COLEC12: variants seen among roughly 807,000 people sequenced by gnomAD.
COLEC12 encodes the protein collectin-12.
COLEC12 carries 33 observed loss-of-function variants against 71.1 expected under a neutral mutation model. The ratio of observed to expected loss-of-function variants is 0.46; its 90% CI spans 0.35 to 0.62. The LOEUF (loss-of-function observed/expected upper bound fraction) is 0.62. Ranked by LOEUF, COLEC12 falls within the 20% of genes least tolerant of loss-of-function variation. The pLI, the probability that COLEC12 is intolerant of heterozygous loss-of-function variation, is 0.00. For missense variants in COLEC12, 765 were observed against 916.1 expected (o/e 0.84, Z 2.13); for synonymous variants, 350 against 353.0 (o/e 0.99, Z 0.10).
At chr18:324,244 A>G (rs1913782717) in intron 8 of COLEC12, among the ~76,000 whole-genome samples, 1 of 152,200 alleles carries the variant, frequency 6.6e-6, no homozygotes, top group Non-Finnish European at 1.5e-5. Context: ...TAACGTGTCA[A>G]ATAAGCAAAA....
At chr18:472,219 A>G (rs1236620734) in intron 2 of COLEC12, among the ~76,000 whole-genome samples, 2 of 152,112 alleles carry the variant, frequency 1.3e-5, no homozygotes, top group Non-Finnish European at 2.9e-5. Flanking sequence ...AAAGCTGGAA[A>G]CTGAACCCAG....
rs1042040553 is a variant in COLEC12, at chr18:365,524, C to G, written c.59-8002G>C. On this transcript the variant is annotated intron_variant, in intron 2 of 9. Transcript: ENST00000400256. ...GTTCTAGTATGCTTGAAATGAACCC[C>G]AAAAGCCAGTCTTCAATGGCTCCTT... Among the ~76,000 whole-genome samples, 10 of 152,062 alleles carry G rather than the reference C, an allele frequency of 6.6e-5. No individual in the cohort carries two copies. In the South Asian group the frequency reaches 1.0e-3, roughly 16 times the overall value.
chr18:469,406 A>G (rs1409584547), intron 2 of COLEC12, among the ~76,000 whole-genome samples: 1 of 152,226 alleles, frequency 6.6e-6, no homozygotes, highest in Non-Finnish European at 1.5e-5. Flanking sequence ...ATTACATGTG[A>G]AATTCCCAGA....
chr18:440,982 C>T (rs368154701), intron 2 of COLEC12, among the ~76,000 whole-genome samples: 1 of 152,090 alleles, frequency 6.6e-6, no homozygotes, highest in Non-Finnish European at 1.5e-5. Flanking sequence ...GGCGTGGTGG[C>T]TCACGCCTGT....
intron 2 of COLEC12, among the ~76,000 whole-genome samples, chr18:445,391 A>T (rs1916627066): frequency 6.6e-6 from 1 of 152,188 alleles, no homozygotes; most frequent in Non-Finnish European, 1.5e-5. Context: ...ATTATGCCAA[A>T]TTATGAAATT....
chr18:442,082 G>GTGAGACTCTCTCTCTCTACAC (rs1916554019), intron 2 of COLEC12, among the ~76,000 whole-genome samples: 2 of 151,330 alleles, frequency 1.3e-5, no homozygotes, highest in African/African-American at 4.9e-5. Context: ...TGGGGACTGA[G>GTGAGACTCTCTCTCTCTACAC]AAGGTTATGG....
At chr18:428,957 T>C (rs528348674) in intron 2 of COLEC12, among the ~76,000 whole-genome samples, 4 of 152,336 alleles carry the variant, frequency 2.6e-5, no homozygotes, top group Non-Finnish European at 5.9e-5. Context: ...AGGCTTTACT[T>C]TAAAAATGTA....
intron 3 of COLEC12, among the ~76,000 whole-genome samples, chr18:348,990 C>G (rs1416737050): frequency 6.6e-6 from 1 of 152,114 alleles, no homozygotes; most frequent in Non-Finnish European, 1.5e-5. Flanking sequence ...CTATACTGTT[C>G]TGGTGGTAGT....
chr18:437,189 A>G lies in COLEC12; in HGVS notation c.58+43518T>C, dbSNP rs1161192026. ...TTTTCAGAAAATAGCTCCACTGAAC[A>G]CTGATGATAGGACTGTGAAGGCCTA... On this transcript the variant is annotated intron_variant, in intron 2 of 9. Coordinates refer to ENST00000400256, the MANE Select transcript of COLEC12 (RefSeq NM_130386.3). Among the ~76,000 whole-genome samples the G allele has an allele frequency of 5.3e-5, 8 of 152,310 alleles. No individual in the cohort carries two copies. The South Asian group carries it at 8.3e-4, about 16-fold the overall frequency.
At position 335,083 on chromosome 18, in the gene COLEC12, G is replaced by T. The variant is rs1348670405; in HGVS notation, c.1475C>A (p.Pro492His). ...TCCTTTGCCGCCACGCTCTCCGGGG[G>T]GACCAGCTGGTCCAATTGGGCCTCT... Reference protein sequence around the residue: ...GERGPIGPAGPPGERGGKGSK... With the variant: ...GERGPIGPAGHPGERGGKGSK... Residue 492 changes from proline to histidine, a missense_variant, in exon 6 of 10, where the codon CCC becomes CAC. By Grantham distance (77) the Pro-to-His change is moderately conservative. Transcript: ENST00000400256. 6.2e-7 allele frequency: 1 copy of T among 1,611,354 alleles called. No homozygotes were observed. Among genetic ancestry groups the T allele is most frequent in the South Asian group, 1.1e-5 (1 of 90,870 alleles).
intron 2 of COLEC12, among the ~76,000 whole-genome samples, chr18:451,679 G>A (rs1197884827): frequency 5.3e-5 from 8 of 151,980 alleles, no homozygotes; most frequent in Non-Finnish European, 7.4e-5. Flanking sequence ...CCTGGGAGGC[G>A]GAGGTTGCAG....
chr18:405,467 T>C (rs896604865), intron 2 of COLEC12, among the ~76,000 whole-genome samples: 3 of 152,200 alleles, frequency 2.0e-5, no homozygotes, highest in African/African-American at 4.8e-5. Flanking sequence ...CCTACCGATA[T>C]GTGATGTCAC....
chr18:335,411 T>G (rs1294879753), intron 5 of COLEC12, among the ~76,000 whole-genome samples, 181 bp from the exon 6 acceptor site: 1 of 152,180 alleles, frequency 6.6e-6, no homozygotes, highest in Non-Finnish European at 1.5e-5. Flanking sequence ...TATGTCCTCC[T>G]CCAAATTCTT....
chr18:387,403 C>T (rs376694476), intron 2 of COLEC12, among the ~76,000 whole-genome samples: 2 of 152,190 alleles, frequency 1.3e-5, no homozygotes, highest in East Asian at 1.9e-4. Flanking sequence ...TTTATACTTT[C>T]ATTCCTTCTT....
intron 5 of COLEC12, among the ~76,000 whole-genome samples, chr18:340,085 A>AAAAAAAC (rs1567877351): frequency 2.0e-5 from 3 of 151,242 alleles, no homozygotes; most frequent in Non-Finnish European, 2.9e-5. Flanking sequence ...AAAAAAAAAA[A>AAAAAAAC]AAAAAACAAA....
chr18:337,695 C>T (rs966427361), intron 5 of COLEC12, among the ~76,000 whole-genome samples: 1 of 152,182 alleles, frequency 6.6e-6, no homozygotes, highest in Non-Finnish European at 1.5e-5. Flanking sequence ...TCTTCAGCAA[C>T]CCTGGGCTCT....
chr18:425,295 A>G (rs1916178608), intron 2 of COLEC12, among the ~76,000 whole-genome samples: 1 of 152,076 alleles, frequency 6.6e-6, no homozygotes, highest in Admixed American at 6.5e-5. Flanking sequence ...CTTCCTACAC[A>G]CGGGGTCATG....
At chr18:469,920 A>C (rs1392236452) in intron 2 of COLEC12, among the ~76,000 whole-genome samples, 1 of 152,176 alleles carries the variant, frequency 6.6e-6, no homozygotes, top group Non-Finnish European at 1.5e-5. Context: ...AAACAAGATG[A>C]ATTAATAAGT....
Position 319,321 on chromosome 18 carries a change from T to TA in COLEC12, c.*723dup, listed in dbSNP as rs56853175. On this transcript the variant is annotated 3_prime_UTR_variant, in exon 10 of 10. Transcript: ENST00000400256. Reference sequence around the variant, plus strand: ...TGGTTCCTCTGAGGAAATGAAACATTAAAAAAAAAAAAAAAAAAAAATATA... The same window carrying TA: ...TGGTTCCTCTGAGGAAATGAAACATTAAAAAAAAAAAAAAAAAAAAAATATA... 1.4e-4 allele frequency: 12 copies of TA among 84,086 alleles called. No homozygotes were observed. The highest frequency in any genetic ancestry group is 4.6e-4 in the African/African-American group (10 of 21,796). The allele number at this position is 84,086 out of a possible 1,614,324, so 5.2% of individuals were successfully genotyped here. A position where few individuals can be genotyped will look rare whatever the true frequency, so the allele number is the denominator to read the frequency against.
Sources: allele counts gnomAD v4.1 joint callset (sites outside exome capture counted in the v4.1 genomes callset), GRCh38; gene constraint gnomAD v4.1.1; transcripts MANE v1.5; gene names NCBI Gene and HGNC (gene_info 2026-07-23, HGNC 2026-07-21).